Variants in ZFAT observed in about 807,000 individuals in gnomAD.
ZFAT encodes the protein zinc finger protein ZFAT.
Under a neutral mutation model 117.7 loss-of-function variants are expected in ZFAT, and 64 were observed. That is an observed-to-expected ratio of 0.54 (90% CI 0.44 to 0.67). The LOEUF is 0.67. Ranked by LOEUF, ZFAT falls within the 30% of genes least tolerant of loss-of-function variation. The pLI is 0.00. For synonymous variants in ZFAT, 679 were observed against 615.0 expected, an observed-to-expected ratio of 1.10 and a Z score of -1.54; for missense variants, 1,433 against 1,584.5, an observed-to-expected ratio of 0.90 and a Z score of 1.62.
the ZFAT span, among the ~76,000 whole-genome samples, chr8:134,799,908 T>C: frequency 6.6e-6 from 1 of 152,348 alleles, no homozygotes; most frequent in African/African-American, 2.4e-5. Context: ...GTACTTAATA[T>C]GACAGGTACT....
intron 1 of ZFAT, among the ~76,000 whole-genome samples, chr8:134,701,015 T>C (rs778064573): frequency 3.9e-5 from 6 of 152,180 alleles, no homozygotes; most frequent in Non-Finnish European, 8.8e-5. Context: ...TGTGTGTTTA[T>C]GGTAAATACA....
At chr8:134,782,693 T>C in the ZFAT span, among the ~76,000 whole-genome samples, 1 of 152,106 alleles carries the variant, frequency 6.6e-6, no homozygotes, top group Non-Finnish European at 1.5e-5. Flanking sequence ...TTTCATTCTC[T>C]TGTCTGCTGC....
chr8:134,786,817 CTTAT>C, the ZFAT span, among the ~76,000 whole-genome samples: 1 of 149,490 alleles, frequency 6.7e-6, no homozygotes, highest in Admixed American at 6.7e-5. Context: ...GTTTTCATGC[CTTAT>C]TTCTTTCCTG....
intron 1 of ZFAT, among the ~76,000 whole-genome samples, chr8:134,658,210 AC>A (rs1831733583): frequency 6.6e-6 from 1 of 151,968 alleles, no homozygotes; most frequent in African/African-American, 2.4e-5. Flanking sequence ...GGCAGCGTGC[AC>A]CTGTAGGCCC....
Position 134,569,745 on chromosome 8 carries a change from C to T in ZFAT, c.2888-4324G>A, listed in dbSNP as rs141384304. The stretch of plus-strand genomic sequence containing the variant: ...TGCATACAGGTGACCCCACAGTGGA[C>T]CTTTCAGCTGAGTGCAGTGCCCTCC... On this transcript the variant is annotated intron_variant, in intron 10 of 15. Coordinates refer to ENST00000377838, the MANE Select transcript of ZFAT (RefSeq NM_020863.4). Among the ~76,000 whole-genome samples the T allele has an allele frequency of 1.1e-3, 167 of 152,256 alleles. 2 individuals are homozygous for T. In the East Asian group the frequency reaches 0.029, roughly 26 times the overall value.
In ZFAT at chr8:134,602,611, T is replaced by C. The variant is rs1233190513; in HGVS notation, c.1108A>G (p.Ile370Val). The C allele has an allele frequency of 3.1e-6, 5 of 1,614,210 alleles. No homozygotes were observed. The highest frequency in any genetic ancestry group is 3.3e-4 in the Middle Eastern group (2 of 6,062). ...TCATGCGCGTCTCGGATGTGCTTGATGAGGTTCTTGACGTCAGAGTACTTC... is the reference window on the plus strand; with the variant it reads ...TCATGCGCGTCTCGGATGTGCTTGACGAGGTTCTTGACGTCAGAGTACTTC... Reference protein sequence around the residue: ...KKKYSDVKNLIKHIRDAHDPQ... With the variant: ...KKKYSDVKNLVKHIRDAHDPQ... The change falls in exon 6 of 16, where the codon ATC becomes GTC. Residue 370 changes from isoleucine (I) to valine (V), a missense_variant. By Grantham distance (29) the Ile-to-Val change is conservative (BLOSUM62 3). Coordinates refer to ENST00000377838, the MANE Select transcript of ZFAT (RefSeq NM_020863.4).
chr8:134,609,022 A>G (rs181132971), intron 4 of ZFAT, 143 bp from the exon 5 acceptor site: 117 of 1,058,124 alleles, frequency 1.1e-4, no homozygotes, highest in Admixed American at 7.1e-4. Flanking sequence ...CAGCTCGCAC[A>G]TTTACATTTT....
chr8:134,615,643 C>T (rs1388357611), intron 3 of ZFAT, among the ~76,000 whole-genome samples: 1 of 152,232 alleles, frequency 6.6e-6, no homozygotes, highest in Non-Finnish European at 1.5e-5. Flanking sequence ...GCCAAAGCTG[C>T]TTCCAGTGGG....
chr8:134,827,297 G>A, the ZFAT span, among the ~76,000 whole-genome samples: 12 of 152,024 alleles, frequency 7.9e-5, 2 homozygotes, highest in Admixed American at 5.9e-4. Context: ...TGCCCATCTC[G>A]GCCTCCCAAA....
chr8:134,636,226 A>G (rs1830203917), intron 3 of ZFAT, among the ~76,000 whole-genome samples: 1 of 152,236 alleles, frequency 6.6e-6, no homozygotes, highest in Non-Finnish European at 1.5e-5. Context: ...CAGGGGTCAG[A>G]GTAGGATGGC....
chr8:134,617,219 C>T (rs538761830), intron 3 of ZFAT, among the ~76,000 whole-genome samples: 64 of 152,274 alleles, frequency 4.2e-4, no homozygotes, highest in African/African-American at 1.5e-3. Context: ...GCCATGAGAG[C>T]GTCCCATGCA....
In ZFAT at chr8:134,583,817, G is replaced by A; in HGVS notation, c.2887+15C>T. 1 of 1,612,632 alleles carries A rather than the reference G, an allele frequency of 6.2e-7. No individual in the cohort carries two copies. On this transcript the variant is annotated intron_variant, in intron 10 of 15. Transcript: ENST00000377838. The stretch of plus-strand genomic sequence containing the variant: ...ACATTTAGAGGGGAAAGTTCACCTT[G>A]GGCCATTTACTCACCATCTGCAGTG...
chr8:134,565,384 C>A lies in ZFAT; in HGVS notation c.2925G>T (p.Ala975=). The A allele has an allele frequency of 6.2e-7, 1 of 1,613,896 alleles. No individual in the cohort carries two copies. The highest frequency in any genetic ancestry group is 2.2e-5 in the East Asian group (1 of 44,890). The change falls in exon 11 of 16, where the codon GCG becomes GCT. Residue 975 remains alanine, a synonymous_variant. Transcript: ENST00000377838. ...GCCGCAGCAGCTGTGGCTTCTGGGCCGCTGTGTAGTCACACACCGTGCACT... is the reference window on the plus strand; with the variant it reads ...GCCGCAGCAGCTGTGGCTTCTGGGCAGCTGTGTAGTCACACACCGTGCACT... ...QFKCTVCDYT[A]AQKPQLLRHM...
the ZFAT span, among the ~76,000 whole-genome samples, chr8:134,818,219 A>G: frequency 6.6e-6 from 1 of 152,234 alleles, no homozygotes. Flanking sequence ...GACTGGAAAA[A>G]TATTTGCAAA....
At chr8:134,777,508 T>C in the ZFAT span, among the ~76,000 whole-genome samples, 1 of 152,222 alleles carries the variant, frequency 6.6e-6, no homozygotes, top group Admixed American at 6.5e-5. Context: ...AGACTCTTTC[T>C]CTGTCTTAAA....
the ZFAT span, among the ~76,000 whole-genome samples, chr8:134,736,631 C>T: frequency 2.6e-5 from 4 of 152,142 alleles, no homozygotes; most frequent in Admixed American, 6.5e-5. Context: ...CTCTTTCACA[C>T]AGGTTGGAGT....
the ZFAT span, among the ~76,000 whole-genome samples, chr8:134,725,559 G>A: frequency 6.6e-6 from 1 of 152,050 alleles, no homozygotes; most frequent in Non-Finnish European, 1.5e-5. Flanking sequence ...CAAAGGTATG[G>A]TGCCAAACCA....
chr8:134,501,830 A>C (rs1819001993), intron 15 of ZFAT, among the ~76,000 whole-genome samples: 1 of 152,216 alleles, frequency 6.6e-6, no homozygotes, highest in Admixed American at 6.5e-5. Flanking sequence ...TTAACTCACC[A>C]GTTATTCGAG....
chr8:134,565,638 C>G, intron 10 of ZFAT: 1 of 654,358 alleles, frequency 1.5e-6, no homozygotes, highest in Middle Eastern at 2.4e-4. Flanking sequence ...GGGAGAGGCA[C>G]AGCCAGCTCC....
Sources: gnomAD v4.1 joint callset for allele counts (sites outside exome capture counted in the v4.1 genomes callset) on GRCh38, gnomAD v4.1.1 for gene constraint, MANE v1.5 for transcripts, NCBI Gene and HGNC (gene_info 2026-07-23, HGNC 2026-07-21) for gene names.